KIAA0930: variants seen among roughly 807,000 people sequenced by gnomAD.
KIAA0930 encodes KIAA0930, also known as uncharacterized protein KIAA0930.
KIAA0930 carries 24 observed loss-of-function variants against 43.9 expected under a neutral mutation model. That is an observed-to-expected ratio of 0.55 (90% CI 0.40 to 0.77). The LOEUF is 0.77. KIAA0930 is among the 30% of genes least tolerant of loss of function. The pLI, the probability that KIAA0930 is intolerant of heterozygous loss-of-function variation, is 0.00. For synonymous variants in KIAA0930, 259 were observed against 216.4 expected (o/e 1.20, Z -1.73); for missense variants, 461 against 574.2 (o/e 0.80, Z 2.02).
At chr22:45,226,597 C>G (rs1381965904) in intron 1 of KIAA0930, among the ~76,000 whole-genome samples, 1 of 152,110 alleles carries the variant, frequency 6.6e-6, no homozygotes, top group Non-Finnish European at 1.5e-5. Flanking sequence ...GCACAATCAT[C>G]AAGCTGAAAC....
At chr22:45,205,770 G>GGGGGCCCCC in intron 3 of KIAA0930, 23 bp downstream of exon 3, 21 of 1,523,754 alleles carry the variant, frequency 1.4e-5, no homozygotes, top group Non-Finnish European at 1.9e-5. Context: ...CCAATCCGCA[G>GGGGGCCCCC]CCCCACCCAT....
chr22:45,228,598 C>T (rs577253283), intron 1 of KIAA0930, among the ~76,000 whole-genome samples: 14 of 152,156 alleles, frequency 9.2e-5, no homozygotes, highest in African/African-American at 2.9e-4. Context: ...CTTTTCCTGC[C>T]GCCTCTGCTC....
intron 7 of KIAA0930, chr22:45,201,004 TCTCCTCC>T: frequency 1.9e-6 from 1 of 532,794 alleles, no homozygotes; most frequent in East Asian, 5.5e-5. Flanking sequence ...ACTTGGCCCA[TCTCCTCC>T]CTCCTCCCCA....
In KIAA0930 at chr22:45,202,948, T is replaced by G; in HGVS notation, c.852+42A>C. On this transcript the variant is annotated intron_variant, in intron 7 of 9. Coordinates refer to ENST00000336156, the MANE Select transcript of KIAA0930 (RefSeq NM_001009880.2). ...ACGGGGGAGACGGTGGAAAGTGAAC[T>G]TGACGGATGGGAGCCCCCGCCCCCA... 11 of 1,524,940 alleles carry G rather than the reference T, an allele frequency of 7.2e-6. No individual in the cohort carries two copies. In the South Asian group the frequency reaches 1.4e-4, roughly 19 times the overall value. 94.5% of individuals were successfully genotyped at this position (1,524,940 alleles called of 1,614,324 possible).
intron 1 of KIAA0930, among the ~76,000 whole-genome samples, chr22:45,218,571 T>G (rs992981830): frequency 2.0e-5 from 3 of 151,908 alleles, no homozygotes. Context: ...CAGCTTAGTT[T>G]CAAACCTCAG....
Position 45,226,602 on chromosome 22 carries a change from T to C in KIAA0930, c.64+14038A>G, listed in dbSNP as rs1212109795. Among the ~76,000 whole-genome samples, 5 of 152,084 alleles carry C rather than the reference T, an allele frequency of 3.3e-5. No homozygotes were observed. The East Asian group carries it at 9.6e-4, about 29-fold the overall frequency. Reference sequence around the variant, plus strand: ...TATCTCCTAAGCACAATCATCAAGCTGAAACAGTGGTTCCATATTCAAATT... The same window carrying C: ...TATCTCCTAAGCACAATCATCAAGCCGAAACAGTGGTTCCATATTCAAATT... On this transcript the variant is annotated intron_variant, in intron 1 of 9. Transcript: ENST00000336156.
chr22:45,240,228 C>T (rs1402654549), intron 1 of KIAA0930, among the ~76,000 whole-genome samples: 1 of 152,212 alleles, frequency 6.6e-6, no homozygotes, highest in Non-Finnish European at 1.5e-5. Context: ...AACGAGGGCC[C>T]GACCCTGCCG....
intron 1 of KIAA0930, among the ~76,000 whole-genome samples, chr22:45,219,959 CA>C (rs2083757897): frequency 6.6e-6 from 1 of 152,118 alleles, no homozygotes; most frequent in East Asian, 1.9e-4. Flanking sequence ...CAGGGCTACT[CA>C]CACAACTTCA....
intron 1 of KIAA0930, among the ~76,000 whole-genome samples, chr22:45,218,082 A>G (rs2083744507): frequency 6.6e-6 from 1 of 152,180 alleles, no homozygotes; most frequent in South Asian, 2.1e-4. Context: ...CAGCACCAAG[A>G]GCTCAACAGT....
rs1244175250 is a variant in KIAA0930 at position 45,204,064 on chromosome 22, G to A, written c.517-79C>T. The A allele has an allele frequency of 2.4e-5, 38 of 1,585,620 alleles. No homozygotes were observed. In the East Asian group the frequency reaches 2.9e-4, roughly 12 times the overall value. On this transcript the variant is annotated intron_variant, in intron 5 of 9. Coordinates refer to ENST00000336156, the MANE Select transcript of KIAA0930 (RefSeq NM_001009880.2). ...ACCACAGCCTGGCCCAACTGGCAGG[G>A]AGGGCTGCTCAGAAAACCCCATTTT...
rs1421506089 is a variant in KIAA0930 at position 45,200,055 on chromosome 22, G to A, written c.853-20C>T. The A allele has an allele frequency of 6.3e-7, 1 of 1,581,330 alleles. No homozygotes were observed. Among genetic ancestry groups the A allele is most frequent in the East Asian group, 2.4e-5 (1 of 41,992 alleles). ...GGTCACCTGGGAACAAGCAGCCAAA[G>A]TCACCAGAGTAGCAGAACAGCCCCC... On this transcript the variant is annotated intron_variant, in intron 7 of 9. Transcript: ENST00000336156.
chr22:45,214,163 C>T (rs2083716958), intron 1 of KIAA0930, among the ~76,000 whole-genome samples: 1 of 151,992 alleles, frequency 6.6e-6, no homozygotes, highest in African/African-American at 2.4e-5. Flanking sequence ...GGCAACAGAA[C>T]GAGACTCTGT....
chr22:45,223,390 G>T (rs80024512), intron 1 of KIAA0930, among the ~76,000 whole-genome samples: 3,090 of 152,310 alleles, frequency 0.02, 103 homozygotes, highest in African/African-American at 0.07. Flanking sequence ...GAAGCCAGAT[G>T]GTCAGGGTCC....
intron 5 of KIAA0930, 30 bp downstream of exon 5, chr22:45,205,187 C>G (rs1328987011): frequency 2.6e-6 from 4 of 1,553,330 alleles, no homozygotes; most frequent in Non-Finnish European, 2.7e-6. Context: ...GAAGGGGAAG[C>G]TAAGGAGAGA....
rs71190644 is a variant in KIAA0930, at chr22:45,194,052, C to CTTTTTTTTTTTTTT, written c.*3110_*3123dup. On this transcript the variant is annotated 3_prime_UTR_variant, in exon 10 of 10. Transcript: ENST00000336156. ...GGTTTGGGTTTAAAGACCAATGTAT[C>CTTTTTTTTTTTTTT]TTTTTTTTTTTTTTTTTTTTTTTTT... 16 of 44,346 alleles carry CTTTTTTTTTTTTTT rather than the reference C, an allele frequency of 3.6e-4. 3 individuals carry two copies. The highest frequency in any genetic ancestry group is 2.5e-3 in the South Asian group (2 of 792). 2.7% of individuals were successfully genotyped at this position (44,346 alleles called of 1,614,324 possible).
chr22:45,218,842 C>T (rs1364291255), intron 1 of KIAA0930, among the ~76,000 whole-genome samples: 5 of 152,128 alleles, frequency 3.3e-5, no homozygotes, highest in Non-Finnish European at 7.4e-5. Context: ...CTTCTGAGTC[C>T]CCAGCGGGGT....
chr22:45,220,530 C>T (rs1252417930), intron 1 of KIAA0930, among the ~76,000 whole-genome samples: 1 of 152,102 alleles, frequency 6.6e-6, no homozygotes, highest in African/African-American at 2.4e-5. Context: ...AGGATTATCT[C>T]CACAGATGCT....
chr22:45,210,241 G>A (rs1331700007), intron 2 of KIAA0930, among the ~76,000 whole-genome samples: 1 of 151,914 alleles, frequency 6.6e-6, no homozygotes, highest in Non-Finnish European at 1.5e-5. Flanking sequence ...CTGAACTCCA[G>A]CAGAAGCTGA....
At chr22:45,219,579 A>ATTTTTTTTTTTTTT (rs1569080218) in intron 1 of KIAA0930, among the ~76,000 whole-genome samples, 1 of 107,454 alleles carries the variant, frequency 9.3e-6, no homozygotes, top group African/African-American at 3.6e-5. Context: ...CCAAGAGGTG[A>ATTTTTTTTTTTTTT]TTGTTTTTTT....
Sources: allele counts gnomAD v4.1 joint callset (sites outside exome capture counted in the v4.1 genomes callset), GRCh38; gene constraint gnomAD v4.1.1; transcripts MANE v1.5; gene names NCBI Gene and HGNC (gene_info 2026-07-23, HGNC 2026-07-21).